Variants in PAK5 observed in about 807,000 individuals in gnomAD.
The protein encoded by PAK5 is serine/threonine-protein kinase PAK 5.
PAK5 carries 16 observed loss-of-function variants against 65.9 expected under a neutral mutation model. The ratio of observed to expected loss-of-function variants is 0.24; its 90% CI spans 0.16 to 0.37. The LOEUF is 0.37. PAK5 is among the 10% of genes least tolerant of loss of function. PAK5 has a pLI of 1.00. For synonymous variants in PAK5, 371 were observed against 354.9 expected, an observed-to-expected ratio of 1.05 and a Z score of -0.51; for missense variants, 785 against 903.9, an observed-to-expected ratio of 0.87 and a Z score of 1.69.
chr20:9,664,390 AG>A (rs1382299878), intron 2 of PAK5, among the ~76,000 whole-genome samples: 12 of 152,202 alleles, frequency 7.9e-5, no homozygotes, highest in Non-Finnish European at 1.3e-4. Flanking sequence ...ATCAGACCTC[AG>A]TCAGTCCCAT....
chr20:9,683,845 A>G (rs1162070961), intron 2 of PAK5, among the ~76,000 whole-genome samples: 2 of 152,080 alleles, frequency 1.3e-5, no homozygotes, highest in African/African-American at 4.8e-5. Context: ...CAGTCTCCCA[A>G]AGGGCTGGGA....
intron 1 of PAK5, among the ~76,000 whole-genome samples, chr20:9,724,791 C>T (rs1441599085): frequency 6.6e-6 from 1 of 151,790 alleles, no homozygotes; most frequent in Admixed American, 6.6e-5. Context: ...CATCATAGCA[C>T]AAAGATTCAG....
intron 3 of PAK5, among the ~76,000 whole-genome samples, chr20:9,585,207 T>C (rs1043169492): frequency 2.6e-5 from 4 of 152,184 alleles, no homozygotes; most frequent in African/African-American, 9.6e-5. Context: ...CCCCCATGCC[T>C]TCCCATCTCT....
chr20:9,833,320 C>T (rs904021674), intron 1 of PAK5, among the ~76,000 whole-genome samples: 2 of 152,198 alleles, frequency 1.3e-5, no homozygotes, highest in Admixed American at 1.3e-4. Context: ...TTAATCAATT[C>T]TTACACCAGT....
chr20:9,687,079 C>T (rs1312994664), intron 2 of PAK5, among the ~76,000 whole-genome samples: 1 of 152,166 alleles, frequency 6.6e-6, no homozygotes, highest in African/African-American at 2.4e-5. Context: ...CAGAGAGCTG[C>T]TCTTGGGGAC....
At chr20:9,620,850 C>G (rs1187973682) in intron 3 of PAK5, among the ~76,000 whole-genome samples, 1 of 151,766 alleles carries the variant, frequency 6.6e-6, no homozygotes, top group African/African-American at 2.4e-5. Flanking sequence ...TTGTCTTCCT[C>G]TAATCATGGG....
intron 2 of PAK5, among the ~76,000 whole-genome samples, chr20:9,676,893 C>T (rs2047580375): frequency 6.6e-6 from 1 of 152,084 alleles, no homozygotes; most frequent in Non-Finnish European, 1.5e-5. Context: ...ATCTGATATT[C>T]TGACAATAAA....
chr20:9,560,672 T>C (rs527727697), intron 6 of PAK5, among the ~76,000 whole-genome samples: 1 of 152,312 alleles, frequency 6.6e-6, no homozygotes, highest in Non-Finnish European at 1.5e-5. Flanking sequence ...AATAATATTT[T>C]TCCTGTTTGA....
rs1412279544 is a variant in PAK5 at position 9,689,957 on chromosome 20, C to T, written c.-12+21329G>A. 2.6e-5 allele frequency among the ~76,000 whole-genome samples: 4 copies of T among 152,170 alleles called. No individual in the cohort carries two copies. In the East Asian group the frequency reaches 7.7e-4, roughly 29 times the overall value. On this transcript the variant is annotated intron_variant, in intron 2 of 9. Transcript: ENST00000353224. ...AAGAACATTTACATACAGACACCCTCACATGAAGATCAGTTCTTCTTTGAG... is the reference window on the plus strand; with the variant it reads ...AAGAACATTTACATACAGACACCCTTACATGAAGATCAGTTCTTCTTTGAG...
At chr20:9,700,342 T>C (rs992258531) in intron 2 of PAK5, among the ~76,000 whole-genome samples, 5 of 152,094 alleles carry the variant, frequency 3.3e-5, no homozygotes, top group Admixed American at 3.3e-4. Flanking sequence ...GCCTGGAAGG[T>C]TGAGGCTGCA....
chr20:9,779,581 A>C (rs6056867), intron 1 of PAK5, among the ~76,000 whole-genome samples: 54,175 of 151,348 alleles, frequency 0.36, 10,188 homozygotes, highest in Middle Eastern at 0.48. Context: ...CTGATTATAA[A>C]TTTTCTGTCA....
intron 2 of PAK5, among the ~76,000 whole-genome samples, chr20:9,669,734 C>T (rs963343475): frequency 6.6e-6 from 1 of 151,574 alleles, no homozygotes; most frequent in East Asian, 1.9e-4. Flanking sequence ...TAAAGGTACA[C>T]CTCACTTTAT....
intron 1 of PAK5, among the ~76,000 whole-genome samples, chr20:9,836,298 T>C (rs1206791961): frequency 1.3e-5 from 2 of 152,176 alleles, no homozygotes; most frequent in South Asian, 2.1e-4. Flanking sequence ...GAATATGACG[T>C]TTAGAAATCA....
chr20:9,642,480 G>A (rs1198766285), intron 3 of PAK5, among the ~76,000 whole-genome samples: 1 of 152,120 alleles, frequency 6.6e-6, no homozygotes, highest in East Asian at 1.9e-4. Flanking sequence ...CTTTCCCCAT[G>A]GTGATAAATA....
At chr20:9,771,500 C>T (rs1490159464) in intron 1 of PAK5, among the ~76,000 whole-genome samples, 6 of 151,698 alleles carry the variant, frequency 4.0e-5, no homozygotes, top group Admixed American at 2.6e-4. Context: ...CCTCAAACTC[C>T]TGGGCTCAAG....
At chr20:9,685,007 C>G (rs375011292) in intron 2 of PAK5, among the ~76,000 whole-genome samples, 21 of 152,196 alleles carry the variant, frequency 1.4e-4, no homozygotes, top group African/African-American at 4.3e-4. Context: ...TAAATGCACT[C>G]TCTCCTTCCA....
At chr20:9,624,053 T>C (rs2046808064) in intron 3 of PAK5, among the ~76,000 whole-genome samples, 1 of 152,248 alleles carries the variant, frequency 6.6e-6, no homozygotes, top group South Asian at 2.1e-4. Context: ...GGTCATGGTA[T>C]GTCTTGTAGT....
chr20:9,831,803 C>T lies in PAK5; in HGVS notation c.-162+6959G>A, dbSNP rs139083226. 5.9e-3 allele frequency among the ~76,000 whole-genome samples: 905 copies of T among 152,138 alleles called. 5 individuals carry two copies. Among genetic ancestry groups the T allele is most frequent in the African/African-American group, 0.021 (868 of 41,490 alleles). The stretch of plus-strand genomic sequence containing the variant: ...GATTACAGGTGTGAGCCACCGTGCC[C>T]GGCCTACTACATTTTTTAAAATTTG... On this transcript the variant is annotated intron_variant, in intron 1 of 9. Coordinates refer to ENST00000353224, the MANE Select transcript of PAK5 (RefSeq NM_177990.4).
chr20:9,823,114 A>G (rs1012265313), intron 1 of PAK5, among the ~76,000 whole-genome samples: 5 of 152,198 alleles, frequency 3.3e-5, no homozygotes, highest in African/African-American at 1.2e-4. Flanking sequence ...GAAAAGCTTA[A>G]GGAAGCAAGT....
Sources: allele counts gnomAD v4.1 joint callset (sites outside exome capture counted in the v4.1 genomes callset), GRCh38; gene constraint gnomAD v4.1.1; transcripts MANE v1.5; gene names NCBI Gene and HGNC (gene_info 2026-07-23, HGNC 2026-07-21).